SPEN: variants seen among roughly 807,000 people sequenced by gnomAD.
SPEN encodes the protein msx2-interacting protein.
SPEN carries 18 observed loss-of-function variants against 269.9 expected under a neutral mutation model. The ratio of observed to expected loss-of-function variants is 0.07; its 90% CI spans 0.05 to 0.10. SPEN has a LOEUF of 0.10. Ranked by LOEUF, SPEN falls within the 10% of genes least tolerant of loss-of-function variation. The pLI, the probability that SPEN is intolerant of heterozygous loss-of-function variation, is 1.00. For missense variants in SPEN, 3,822 were observed against 4,631.2 expected (o/e 0.83, Z 5.07); for synonymous variants, 1,726 against 1,765.7 (o/e 0.98, Z 0.56).
In SPEN at chr1:15,935,607, C is replaced by T. The variant is rs571174985; in HGVS notation, c.9367C>T (p.Pro3123Ser). ...AGAAGCGCTTCACTCTCCTCGGGCTCCGCTGCAGCCCCAGCAAATAGAGGT... is the reference window on the plus strand; with the variant it reads ...AGAAGCGCTTCACTCTCCTCGGGCTTCGCTGCAGCCCCAGCAAATAGAGGT... The part of the protein sequence containing the change: ...RPEALHSPRA[P>S]LQPQQIEVRA... Residue 3123 changes from proline to serine, a missense_variant, in exon 11 of 15, where the codon CCG becomes TCG. Physicochemically the swap from Pro to Ser is moderately conservative, Grantham distance 74. This residue lies in a region of SPEN where 153 missense variants were observed against 228.5 expected (regional missense o/e 0.67). Transcript: ENST00000375759. This position sits in a 1 kb window ranked among gnomAD's most constrained non-coding sequence, Gnocchi z 7.7. 2 of 1,614,158 alleles carry T rather than the reference C, an allele frequency of 1.2e-6. No homozygotes were observed. Among genetic ancestry groups the T allele is most frequent in the Admixed American group, 1.7e-5 (1 of 60,024 alleles).
At chr1:15,861,819 A>G (rs1255474677) in intron 1 of SPEN, among the ~76,000 whole-genome samples, 1 of 152,080 alleles carries the variant, frequency 6.6e-6, no homozygotes, top group Non-Finnish European at 1.5e-5. Context: ...AAGCGGGTGG[A>G]TCACAAGGTC....
In SPEN at chr1:15,930,578, T is replaced by C. The variant is rs1264536016; in HGVS notation, c.4338T>C (p.Ala1446=). Residue 1446 remains alanine (A), a synonymous_variant, in exon 11 of 15, where the codon GCT becomes GCC. Coordinates refer to ENST00000375759, the MANE Select transcript of SPEN (RefSeq NM_015001.3). This position sits in a 1 kb window ranked among gnomAD's most constrained non-coding sequence, Gnocchi z 5.3. ...LDKTITPDTK[A]LLERAKSLSS... is the part of the protein sequence containing the mutation. ...AGACAATCACACCAGACACTAAAGCTTTGCTTGAAAGAGCTAAATCCCTCT... is the reference window on the plus strand; with the variant it reads ...AGACAATCACACCAGACACTAAAGCCTTGCTTGAAAGAGCTAAATCCCTCT... The C allele has an allele frequency of 6.2e-7, 1 of 1,613,970 alleles. No individual in the cohort carries two copies. The highest frequency in any genetic ancestry group is 8.5e-7 in the Non-Finnish European group (1 of 1,179,964).
intron 3 of SPEN, among the ~76,000 whole-genome samples, chr1:15,882,227 C>G (rs1226223590): frequency 6.6e-6 from 1 of 152,164 alleles, no homozygotes; most frequent in Non-Finnish European, 1.5e-5. Flanking sequence ...GTTTATTGAG[C>G]CACATTTCCT....
In SPEN at chr1:15,869,432, G is replaced by T. The variant is rs964997032; in HGVS notation, c.84-3384G>T. ...ATTTATAAAATTTTGTTACAAAAAA[G>T]GTAATATAAGTATTAATGTTACTAC... On this transcript the variant is annotated intron_variant, in intron 1 of 14. Transcript: ENST00000375759. Among the ~76,000 whole-genome samples the T allele has an allele frequency of 5.9e-5, 9 of 151,968 alleles. No homozygotes were observed. In the South Asian group the frequency reaches 6.2e-4, roughly 11 times the overall value.
At chr1:15,863,227 T>C (rs1009825683) in intron 1 of SPEN, among the ~76,000 whole-genome samples, 1 of 151,752 alleles carries the variant, frequency 6.6e-6, no homozygotes, top group Non-Finnish European at 1.5e-5. Context: ...CCAGCCTGGG[T>C]GACAGTGACG....
chr1:15,925,304 T>A (rs1309331030), intron 10 of SPEN, among the ~76,000 whole-genome samples: 1 of 152,164 alleles, frequency 6.6e-6, no homozygotes, highest in Non-Finnish European at 1.5e-5. Context: ...TCAGATGACA[T>A]CTACTTATGG....
At chr1:15,913,698 G>C (rs371545837) in intron 5 of SPEN, among the ~76,000 whole-genome samples, 1 of 151,916 alleles carries the variant, frequency 6.6e-6, no homozygotes, top group African/African-American at 2.4e-5. Flanking sequence ...AGATGTGCCT[G>C]GGCAACAAAG....
chr1:15,887,502 C>T (rs1341079108), intron 3 of SPEN, among the ~76,000 whole-genome samples: 3 of 150,498 alleles, frequency 2.0e-5, no homozygotes, highest in Non-Finnish European at 4.4e-5. Flanking sequence ...AGGATGGTCT[C>T]GATCTTCTGG....
intron 1 of SPEN, among the ~76,000 whole-genome samples, chr1:15,856,089 T>A (rs2148702858): frequency 7.1e-6 from 1 of 141,732 alleles, no homozygotes; most frequent in African/African-American, 2.6e-5. Flanking sequence ...ACCTCCTGGG[T>A]TCACACCATT....
intron 1 of SPEN, among the ~76,000 whole-genome samples, chr1:15,871,714 A>G (rs1341293327): frequency 2.6e-5 from 4 of 152,356 alleles, no homozygotes; most frequent in Admixed American, 2.0e-4. Flanking sequence ...TTGCAAATGG[A>G]CACAAAAATA....
rs2070448208 is a variant in SPEN, at chr1:15,861,470, A to AACT, written c.84-11345_84-11344insCTA. Among the ~76,000 whole-genome samples the AACT allele has an allele frequency of 5.3e-5, 8 of 152,282 alleles. 1 individual carries two copies. The South Asian group carries it at 1.5e-3, about 28-fold the overall frequency. ...GGAGTAAGGATAAAAGTCACTAGTT[A>AACT]AGTGAAATATTAGAAATATTTGTAT... On this transcript the variant is annotated intron_variant, in intron 1 of 14. Transcript: ENST00000375759.
intron 1 of SPEN, among the ~76,000 whole-genome samples, chr1:15,870,405 C>T (rs1343054342): frequency 6.6e-6 from 1 of 152,074 alleles, no homozygotes; most frequent in Non-Finnish European, 1.5e-5. Context: ...GATTTCAAAA[C>T]TTTGAGAGCT....
In SPEN at chr1:15,930,410, C is replaced by T. The variant is rs750448916; in HGVS notation, c.4170C>T (p.Ser1390=). ...CTGACGAAGATGGTGAACACAAATC[C>T]CACTCACCCAGAGCCTCTGCATTAT... is the stretch of plus-strand genomic sequence containing the variant. The part of the protein sequence containing the change: ...SDSDEDGEHK[S]HSPRASALYE... Residue 1390 remains serine, a synonymous_variant, in exon 11 of 15, where the codon TCC becomes TCT. Transcript: ENST00000375759. This position sits in a 1 kb window ranked among gnomAD's most constrained non-coding sequence, Gnocchi z 5.3. The T allele has an allele frequency of 6.2e-7, 1 of 1,613,936 alleles. No individual in the cohort carries two copies. Among genetic ancestry groups the T allele is most frequent in the Non-Finnish European group, 8.5e-7 (1 of 1,179,952 alleles).
At position 15,934,660 on chromosome 1, in the gene SPEN, G is replaced by A. The variant is rs1032279699; in HGVS notation, c.8420G>A (p.Arg2807His). The A allele has an allele frequency of 6.2e-7, 1 of 1,614,010 alleles. No individual in the cohort carries two copies. The highest frequency in any genetic ancestry group is 1.7e-5 in the Admixed American group (1 of 60,010). ...GACGCGGGCTCAGGGGCGGGGCTGCGTGTGAACACTTCTGAAGGGGTTGTG... is the reference window on the plus strand; with the variant it reads ...GACGCGGGCTCAGGGGCGGGGCTGCATGTGAACACTTCTGAAGGGGTTGTG... ...PADAGSGAGL[R>H]VNTSEGVVLL... Residue 2807 changes from arginine to histidine, a missense_variant, in exon 11 of 15, where the codon CGT (arginine) becomes CAT (histidine). Arg to His is a conservative substitution (Grantham distance 29). Coordinates refer to ENST00000375759, the MANE Select transcript of SPEN (RefSeq NM_015001.3). This position sits in a 1 kb window ranked among gnomAD's most constrained non-coding sequence, Gnocchi z 9.2.
intron 3 of SPEN, among the ~76,000 whole-genome samples, chr1:15,901,721 AAATGGT>A (rs2070902989): frequency 2.0e-5 from 3 of 151,776 alleles, no homozygotes; most frequent in Admixed American, 1.3e-4. Context: ...GTGGAGTTGA[AAATGGT>A]AATGGTGTCA....
At chr1:15,910,323 AAC>A (rs550168083) in intron 4 of SPEN, among the ~76,000 whole-genome samples, 343 of 152,146 alleles carry the variant, frequency 2.3e-3, no homozygotes, top group African/African-American at 7.9e-3. Flanking sequence ...AAAGCAAATT[AAC>A]ACAAGACCCC....
intron 2 of SPEN, 139 bp from the exon 3 acceptor site, chr1:15,876,063 C>G: frequency 1.6e-6 from 1 of 642,586 alleles, no homozygotes; most frequent in Non-Finnish European, 2.7e-6. Flanking sequence ...TTAGCGTTTG[C>G]TTATTAAGTA....
chr1:15,879,637 C>T (rs1361565884), intron 3 of SPEN, among the ~76,000 whole-genome samples: 3 of 151,774 alleles, frequency 2.0e-5, no homozygotes, highest in African/African-American at 7.3e-5. Context: ...AAGGCTACAA[C>T]CTAGAAGTCT....
chr1:15,922,084 A>G (rs990239479), intron 9 of SPEN, among the ~76,000 whole-genome samples, 165 bp from the exon 10 acceptor site: 3 of 152,202 alleles, frequency 2.0e-5, no homozygotes, highest in African/African-American at 7.2e-5. Context: ...GAGAGATTTC[A>G]GGTTAATATA....
Sources: allele counts gnomAD v4.1 joint callset (sites outside exome capture counted in the v4.1 genomes callset), GRCh38; gene constraint gnomAD v4.1.1; regional missense constraint gnomAD v4.1.1; non-coding constraint Gnocchi (gnomAD v3.1); transcripts MANE v1.5; gene names NCBI Gene and HGNC (gene_info 2026-07-23, HGNC 2026-07-21).